Variants in MAP3K5 observed in about 807,000 individuals in gnomAD.
MAP3K5 encodes mitogen-activated protein kinase kinase kinase 5.
A neutral mutation model predicts 158.7 loss-of-function variants in MAP3K5; 56 were observed. That is an observed-to-expected ratio of 0.35 (90% CI 0.28 to 0.44). The LOEUF is 0.44. Among genes scored for constraint, MAP3K5 ranks in the 20% least tolerant of loss-of-function variants. The probability of loss-of-function intolerance (pLI) is 1.00; values close to 1 mark genes in which losing one functional copy is unlikely to be tolerated. For missense variants in MAP3K5, 1,294 were observed against 1,674.8 expected (o/e 0.77, Z 3.97); for synonymous variants, 579 against 601.7 (o/e 0.96, Z 0.55).
rs56414421 is a variant in MAP3K5 at position 136,764,316 on chromosome 6, C to T, written c.448+27394G>A. ...GACAAAAATAATGTTCTGAGAATTT[C>T]GAGATCAAAACCTAACAGACTGATA... is the stretch of plus-strand genomic sequence containing the variant. On this transcript the variant is annotated intron_variant, in intron 1 of 29. Transcript: ENST00000359015. Among the ~76,000 whole-genome samples, 509 of 152,244 alleles carry T rather than the reference C, an allele frequency of 3.3e-3. 2 individuals are homozygous for T. Among genetic ancestry groups the T allele is most frequent in the African/African-American group, 0.011 (457 of 41,528 alleles).
chr6:136,791,197 G>A (rs948061751), intron 1 of MAP3K5, among the ~76,000 whole-genome samples: 3 of 152,152 alleles, frequency 2.0e-5, no homozygotes, highest in Admixed American at 6.5e-5. Context: ...AAAACTTATC[G>A]AAGGTAAGGT....
chr6:136,666,700 G>C (rs1779243794), intron 8 of MAP3K5, among the ~76,000 whole-genome samples: 1 of 151,974 alleles, frequency 6.6e-6, no homozygotes, highest in South Asian at 2.1e-4. Flanking sequence ...ATTAACTTTA[G>C]ATCAATCTAT....
chr6:136,606,495 AC>A (rs2129087977), intron 18 of MAP3K5, among the ~76,000 whole-genome samples: 1 of 152,316 alleles, frequency 6.6e-6, no homozygotes, highest in African/African-American at 2.4e-5. Context: ...GGCCTAGTAT[AC>A]CCCAGGTAAA....
intron 1 of MAP3K5, among the ~76,000 whole-genome samples, chr6:136,721,322 T>A (rs1314003109): frequency 6.6e-6 from 1 of 151,686 alleles, no homozygotes; most frequent in Non-Finnish European, 1.5e-5. Flanking sequence ...AATCCAGAAC[T>A]GGGTTTTAGA....
intron 23 of MAP3K5, among the ~76,000 whole-genome samples, chr6:136,585,105 GTTTT>G (rs201284954): frequency 9.5e-6 from 1 of 104,924 alleles, no homozygotes; most frequent in Admixed American, 8.8e-5. Flanking sequence ...TTTTCTTTTT[GTTTT>G]TTTTTTTTTG....
intron 15 of MAP3K5, among the ~76,000 whole-genome samples, chr6:136,621,581 T>C (rs1221726569): frequency 1.3e-5 from 2 of 152,132 alleles, no homozygotes; most frequent in East Asian, 3.8e-4. Context: ...GTTCGACAGG[T>C]CTGTGATTAG....
chr6:136,745,888 C>A (rs533946315), intron 1 of MAP3K5, among the ~76,000 whole-genome samples: 38 of 152,304 alleles, frequency 2.5e-4, no homozygotes, highest in Admixed American at 2.1e-3. Flanking sequence ...TAGTCACGTT[C>A]CAAAGTCTCA....
chr6:136,637,329 A>T lies in MAP3K5; in HGVS notation c.2012T>A (p.Leu671Gln). Residue 671 changes from leucine to glutamine, a missense_variant, in exon 14 of 30, where the codon CTG becomes CAG. Physicochemically the swap from Leu to Gln is moderately radical, Grantham distance 113. Transcript: ENST00000359015. ...AATGGACACCTAAGTCATTACCTCC[A>T]GCAAGTCACTTTCACAGTCTCCTTC... ...TEEGDCESDL[L>Q]EYDYEYDENG... 6.2e-7 allele frequency: 1 copy of T among 1,607,108 alleles called. No homozygotes were observed. Among genetic ancestry groups the T allele is most frequent in the Non-Finnish European group, 8.5e-7 (1 of 1,173,566 alleles).
chr6:136,597,424 G>GGATCTT (rs1306346142), intron 21 of MAP3K5, among the ~76,000 whole-genome samples: 1 of 152,124 alleles, frequency 6.6e-6, no homozygotes, highest in Non-Finnish European at 1.5e-5. Flanking sequence ...TGATCACTAG[G>GGATCTT]GATCTTTATG....
intron 8 of MAP3K5, among the ~76,000 whole-genome samples, chr6:136,661,481 G>C (rs1779003334): frequency 6.6e-6 from 1 of 152,196 alleles, no homozygotes; most frequent in Non-Finnish European, 1.5e-5. Flanking sequence ...ATGCAGCCTT[G>C]AATTTCTGGG....
At chr6:136,584,772 A>G (rs574258070) in intron 23 of MAP3K5, among the ~76,000 whole-genome samples, 16 of 152,276 alleles carry the variant, frequency 1.1e-4, no homozygotes, top group Admixed American at 6.5e-4. Context: ...AAGATGTGCA[A>G]ACTCCGGGGA....
In MAP3K5 at chr6:136,725,493, G is replaced by A. The variant is rs573466885; in HGVS notation, c.449-4904C>T. The stretch of plus-strand genomic sequence containing the variant: ...CTTTTCATGTGCTTATTTGCTATCT[G>A]TATATCTTATTTGGTTAAGTACTCA... On this transcript the variant is annotated intron_variant, in intron 1 of 29. Coordinates refer to ENST00000359015, the MANE Select transcript of MAP3K5 (RefSeq NM_005923.4). Among the ~76,000 whole-genome samples the A allele has an allele frequency of 5.9e-5, 9 of 152,264 alleles. 1 individual carries two copies. The highest frequency in any genetic ancestry group is 2.2e-4 in the African/African-American group (9 of 41,560).
intron 28 of MAP3K5, 27 bp downstream of exon 28, chr6:136,561,506 A>ACTT (rs758768575): frequency 2.0e-6 from 3 of 1,501,734 alleles, no homozygotes; most frequent in Non-Finnish European, 2.8e-6. Flanking sequence ...GTGAAAGAAT[A>ACTT]CTTGTCCCAC....
At chr6:136,686,528 C>T (rs796284532) in intron 7 of MAP3K5, among the ~76,000 whole-genome samples, 105 of 152,098 alleles carry the variant, frequency 6.9e-4, no homozygotes, top group African/African-American at 2.4e-3. Context: ...AAAACCCCAT[C>T]GTCTCAGCCC....
In MAP3K5 at chr6:136,784,365, T is replaced by G. The variant is rs144048272; in HGVS notation, c.448+7345A>C. On this transcript the variant is annotated intron_variant, in intron 1 of 29. Coordinates refer to ENST00000359015, the MANE Select transcript of MAP3K5 (RefSeq NM_005923.4). ...TCCGTCCGATTTTCTAGTTAAGCTC[T>G]TTTAAAAAAATTATAGTTTTGCCTT... 4.3e-3 allele frequency among the ~76,000 whole-genome samples: 658 copies of G among 152,344 alleles called. 4 individuals carry two copies. The highest frequency in any genetic ancestry group is 0.015 in the African/African-American group (638 of 41,578).
chr6:136,771,620 C>T (rs1000808835), intron 1 of MAP3K5, among the ~76,000 whole-genome samples: 8 of 152,174 alleles, frequency 5.3e-5, no homozygotes, highest in African/African-American at 1.9e-4. Flanking sequence ...CCCTGAGCTA[C>T]TACTCTCTGC....
At chr6:136,725,945 T>G (rs767616591) in intron 1 of MAP3K5, among the ~76,000 whole-genome samples, 2 of 152,230 alleles carry the variant, frequency 1.3e-5, no homozygotes, top group Non-Finnish European at 2.9e-5. Flanking sequence ...CCTCTGCATT[T>G]TCATCAAACA....
chr6:136,635,073 G>C (rs972195572), intron 14 of MAP3K5, among the ~76,000 whole-genome samples: 3 of 148,492 alleles, frequency 2.0e-5, no homozygotes, highest in African/African-American at 7.5e-5. Flanking sequence ...TTTTTGGTAA[G>C]ATGCAGTTAG....
chr6:136,661,555 C>T (rs952625063), intron 8 of MAP3K5, among the ~76,000 whole-genome samples: 2 of 152,102 alleles, frequency 1.3e-5, no homozygotes, highest in African/African-American at 2.4e-5. Context: ...GCCACCACAC[C>T]TAGCTAAATT....
Sources: allele counts gnomAD v4.1 joint callset (sites outside exome capture counted in the v4.1 genomes callset), GRCh38; gene constraint gnomAD v4.1.1; transcripts MANE v1.5; gene names NCBI Gene and HGNC (gene_info 2026-07-23, HGNC 2026-07-21).